The following PDZRN3 variants were observed in gnomAD, a reference collection of about 807,000 sequenced individuals.
PDZRN3 encodes the protein PDZ domain containing ring finger 3.
A neutral mutation model predicts 85.7 loss-of-function variants in PDZRN3; 38 were observed. The ratio of observed to expected loss-of-function variants is 0.44; its 90% CI spans 0.34 to 0.58. PDZRN3 has a LOEUF of 0.58. Ranked by LOEUF, PDZRN3 falls within the 20% of genes least tolerant of loss-of-function variation. The pLI is 0.01. For missense variants in PDZRN3, 1,629 were observed against 1,506.4 expected, an observed-to-expected ratio of 1.08 and a Z score of -1.35; for synonymous variants, 759 against 638.0, an observed-to-expected ratio of 1.19 and a Z score of -2.86.
chr3:73,401,548 T>G lies in PDZRN3; in HGVS notation c.1167-539A>C, dbSNP rs145458321. ...GATATCACAAACGTACAGTATGCACTTACATGGTTGAAATGCACATACAAA... is the reference window on the plus strand; with the variant it reads ...GATATCACAAACGTACAGTATGCACGTACATGGTTGAAATGCACATACAAA... On this transcript the variant is annotated intron_variant, in intron 4 of 9. Coordinates refer to ENST00000263666, the MANE Select transcript of PDZRN3 (RefSeq NM_015009.3). Among the ~76,000 whole-genome samples the G allele has an allele frequency of 2.2e-3, 341 of 152,326 alleles. 3 individuals are homozygous for G. Among genetic ancestry groups the G allele is most frequent in the Non-Finnish European group, 3.7e-3 (250 of 68,028 alleles).
chr3:73,544,040 C>T (rs11128346), intron 3 of PDZRN3, among the ~76,000 whole-genome samples: 67,193 of 152,064 alleles, frequency 0.44, 15,859 homozygotes, highest in East Asian at 0.54. Flanking sequence ...GGTGAAACCT[C>T]GGTCTCTACT....
intron 2 of PDZRN3, among the ~76,000 whole-genome samples, chr3:73,607,501 C>G (rs1371244618): frequency 6.6e-6 from 1 of 152,194 alleles, no homozygotes; most frequent in East Asian, 1.9e-4. Flanking sequence ...GCTCTCCCAA[C>G]TCATCAGTCT....
rs754685130 is a variant in PDZRN3, at chr3:73,383,530, C to T, written c.3036G>A (p.Arg1012=). 1.9e-6 allele frequency: 3 copies of T among 1,614,068 alleles called. No individual in the cohort carries two copies. The highest frequency in any genetic ancestry group is 2.7e-5 in the African/African-American group (2 of 74,926). ...CLKEQQAADD[R]KEMNILELSH... Reference sequence around the variant, plus strand: ...TCAGTTCGAGAATGTTCATCTCCTTCCTGTCATCGGCTGCTTGCTGCTCCT... The same window carrying T: ...TCAGTTCGAGAATGTTCATCTCCTTTCTGTCATCGGCTGCTTGCTGCTCCT... Residue 1012 remains arginine, a synonymous_variant, in exon 10 of 10, where the codon AGG becomes AGA. Coordinates refer to ENST00000263666, the MANE Select transcript of PDZRN3 (RefSeq NM_015009.3).
chr3:73,459,253 C>T (rs1703053043), intron 3 of PDZRN3, among the ~76,000 whole-genome samples: 1 of 152,146 alleles, frequency 6.6e-6, no homozygotes, highest in Admixed American at 6.5e-5. Context: ...CCACCAGGTC[C>T]CTCCCATAAC....
Position 73,384,176 on chromosome 3 carries a change from G to C in PDZRN3, c.2390C>G (p.Thr797Ser). Residue 797 changes from threonine to serine, a missense_variant, in exon 10 of 10, where the codon ACC becomes AGC. By Grantham distance (58) the Thr-to-Ser change is moderately conservative. Transcript: ENST00000263666. The stretch of plus-strand genomic sequence containing the variant: ...GGAGGCTGGCCCGTAGGCTTCCGTG[G>C]TCCCCACAGCCCCTTCGCTGCTCGG... ...SCPSSEGAVG[T>S]TEAYGPASKN... The C allele has an allele frequency of 6.2e-7, 1 of 1,614,046 alleles. No homozygotes were observed. The highest frequency in any genetic ancestry group is 8.5e-7 in the Non-Finnish European group (1 of 1,180,042).
At chr3:73,543,365 G>T (rs1256300875) in intron 3 of PDZRN3, among the ~76,000 whole-genome samples, 7 of 152,238 alleles carry the variant, frequency 4.6e-5, no homozygotes, top group African/African-American at 1.7e-4. Flanking sequence ...TCTGCAGTGA[G>T]ATGTAGGCAG....
intron 3 of PDZRN3, among the ~76,000 whole-genome samples, chr3:73,522,240 C>T (rs570700899): frequency 2.0e-5 from 3 of 152,206 alleles, no homozygotes; most frequent in South Asian, 2.1e-4. Context: ...GGCCCCTGAT[C>T]GACAGTAACA....
intron 3 of PDZRN3, among the ~76,000 whole-genome samples, chr3:73,421,181 A>T (rs989775845): frequency 2.0e-5 from 3 of 152,152 alleles, no homozygotes; most frequent in Admixed American, 2.0e-4. Flanking sequence ...TAAAGAGCCT[A>T]CACTGTGCCA....
chr3:73,610,453 C>T (rs1426391008), intron 1 of PDZRN3, among the ~76,000 whole-genome samples: 2 of 152,188 alleles, frequency 1.3e-5, no homozygotes, highest in Non-Finnish European at 2.9e-5. Context: ...CAATAACTTT[C>T]ACTGCTCTAA....
chr3:73,540,757 T>A (rs1704902422), intron 3 of PDZRN3, among the ~76,000 whole-genome samples: 1 of 152,154 alleles, frequency 6.6e-6, no homozygotes. Flanking sequence ...TCATGTATTA[T>A]CCATTCTTGG....
intron 3 of PDZRN3, among the ~76,000 whole-genome samples, chr3:73,527,798 A>C (rs2106746042): frequency 6.6e-6 from 1 of 152,316 alleles, no homozygotes; most frequent in East Asian, 1.9e-4. Context: ...GACAAGAGGA[A>C]TCCTAAATAA....
chr3:73,391,154 G>T, intron 5 of PDZRN3, 38 bp from the exon 6 acceptor site: 1 of 1,243,838 alleles, frequency 8.0e-7, no homozygotes, highest in Non-Finnish European at 1.2e-6. Context: ...GACTCCAGCA[G>T]GCAATGCGAG....
intron 3 of PDZRN3, among the ~76,000 whole-genome samples, chr3:73,593,747 C>T (rs1387827908): frequency 6.9e-6 from 1 of 145,858 alleles, no homozygotes; most frequent in Non-Finnish European, 1.5e-5. Context: ...CACACACACA[C>T]ACACACTTTG....
In PDZRN3 at chr3:73,382,803, A is replaced by C. The variant is rs1703264849; in HGVS notation, c.*562T>G. 1 of 151,834 alleles carries C rather than the reference A, an allele frequency of 6.6e-6. No individual in the cohort carries two copies. The highest frequency in any genetic ancestry group is 1.5e-5 in the Non-Finnish European group (1 of 68,342). 9.4% of individuals were successfully genotyped at this position (151,834 alleles called of 1,614,324 possible). On this transcript the variant is annotated 3_prime_UTR_variant, in exon 10 of 10. Coordinates refer to ENST00000263666, the MANE Select transcript of PDZRN3 (RefSeq NM_015009.3). ...AGGAAAATGTTTAAATGTATATCCC[A>C]ACTCTAAACGCTGCCGGTTTGGTTA...
intron 3 of PDZRN3, among the ~76,000 whole-genome samples, chr3:73,490,692 T>C (rs868737759): frequency 7.2e-5 from 11 of 152,196 alleles, no homozygotes; most frequent in African/African-American, 2.2e-4. Flanking sequence ...GGCTGAACTA[T>C]TCAGTCATAG....
At chr3:73,434,759 A>G (rs532519320) in intron 3 of PDZRN3, among the ~76,000 whole-genome samples, 254 of 152,192 alleles carry the variant, frequency 1.7e-3, no homozygotes, top group African/African-American at 5.9e-3. Context: ...GCTGTGCCCC[A>G]AGTTGTGTGT....
chr3:73,622,842 T>C (rs1386673012), intron 1 of PDZRN3, among the ~76,000 whole-genome samples: 1 of 152,186 alleles, frequency 6.6e-6, no homozygotes, highest in Non-Finnish European at 1.5e-5. Context: ...CTATTGTTGG[T>C]GGCACTTAAT....
At chr3:73,531,126 C>T (rs1425561826) in intron 3 of PDZRN3, among the ~76,000 whole-genome samples, 1 of 151,930 alleles carries the variant, frequency 6.6e-6, no homozygotes, top group Non-Finnish European at 1.5e-5. Context: ...TGGCAGGTGC[C>T]TGTAGTCCCA....
chr3:73,527,937 G>A (rs180775975), intron 3 of PDZRN3, among the ~76,000 whole-genome samples: 12 of 152,196 alleles, frequency 7.9e-5, no homozygotes, highest in African/African-American at 2.7e-4. Context: ...ATCCCACGAT[G>A]AGCAGATGTT....
Sources: allele counts gnomAD v4.1 joint callset (sites outside exome capture counted in the v4.1 genomes callset), GRCh38; gene constraint gnomAD v4.1.1; transcripts MANE v1.5; gene names NCBI Gene and HGNC (gene_info 2026-07-23, HGNC 2026-07-21).